The following UNC79 variants were observed in gnomAD, a reference collection of about 807,000 sequenced individuals.
UNC79 encodes the protein protein unc-79 homolog.
UNC79 carries 37 observed loss-of-function variants against 283.1 expected under a neutral mutation model. The observed-to-expected ratio is 0.13, with a 90% confidence interval of 0.10 to 0.17. UNC79 has a LOEUF of 0.17. Ranked by LOEUF, UNC79 falls within the 10% of genes least tolerant of loss-of-function variation. The pLI, the probability that UNC79 is intolerant of heterozygous loss-of-function variation, is 1.00. For synonymous variants in UNC79, 1,107 were observed against 1,200.2 expected, an observed-to-expected ratio of 0.92 and a Z score of 1.61; for missense variants, 2,272 against 3,211.1, an observed-to-expected ratio of 0.71 and a Z score of 7.07.
At chr14:93,542,725 G>T in intron 14 of UNC79, 29 bp downstream of exon 14, 3 of 1,611,048 alleles carry the variant, frequency 1.9e-6, no homozygotes, top group Non-Finnish European at 2.5e-6. Context: ...CTCACACCTT[G>T]TTAGAGAGGA....
chr14:93,545,736 G>A (rs1311123868), intron 14 of UNC79, among the ~76,000 whole-genome samples: 1 of 152,158 alleles, frequency 6.6e-6, no homozygotes, highest in Non-Finnish European at 1.5e-5. Context: ...TGCCTGATGG[G>A]TTCTTCCTGC....
chr14:93,337,655 T>C (rs2053607630), intron 1 of UNC79, among the ~76,000 whole-genome samples: 1 of 152,090 alleles, frequency 6.6e-6, no homozygotes, highest in Non-Finnish European at 1.5e-5. Flanking sequence ...TGAAAGAGCT[T>C]TAACACAAAT....
chr14:93,566,312 G>A (rs559746099), intron 14 of UNC79, among the ~76,000 whole-genome samples: 136 of 152,296 alleles, frequency 8.9e-4, no homozygotes, highest in Non-Finnish European at 1.5e-3. Context: ...TTATTTCAGG[G>A]CTTGTGCTCA....
chr14:93,655,372 T>C (rs2070801932), exon 38 of UNC79: 1 of 1,613,960 alleles, frequency 6.2e-7, no homozygotes, highest in Admixed American at 1.7e-5. Context: ...GTTTCAGACA[T>C]TTTTTGCCAA....
At chr14:93,524,750 G>T (rs1467055832) in intron 8 of UNC79, among the ~76,000 whole-genome samples, 1 of 152,136 alleles carries the variant, frequency 6.6e-6, no homozygotes, top group South Asian at 2.1e-4. Context: ...ATATTTATTG[G>T]ATATAAAATA....
chr14:93,496,492 A>G (rs758216293), intron 6 of UNC79, 26 bp downstream of exon 6: 1 of 1,484,876 alleles, frequency 6.7e-7, no homozygotes, highest in Non-Finnish European at 9.0e-7. Context: ...AATTTAACCC[A>G]TAGTCACAAA....
intron 1 of UNC79, among the ~76,000 whole-genome samples, chr14:93,455,941 T>G (rs2056784744): frequency 6.6e-6 from 1 of 151,660 alleles, no homozygotes; most frequent in East Asian, 1.9e-4. Flanking sequence ...TGTGTGTGTG[T>G]GTGTATGTGT....
At chr14:93,403,460 C>T (rs1307129712) in intron 1 of UNC79, among the ~76,000 whole-genome samples, 1 of 152,158 alleles carries the variant, frequency 6.6e-6, no homozygotes, top group Admixed American at 6.5e-5. Context: ...GGCAGGTTTG[C>T]CTGATGCAGT....
Position 93,430,822 on chromosome 14 carries a change from G to T in UNC79, c.-208G>T. On this transcript the variant is annotated 5_prime_UTR_variant, in exon 1 of 49. Transcript: ENST00000555664. This position sits in a 1 kb window ranked among gnomAD's most constrained non-coding sequence, Gnocchi z 4.6. ...CCTATTAAATCCCACCCATTTCTCCGGGGGCGATTTCCTAACCTTCCGGGA... is the reference window on the plus strand; with the variant it reads ...CCTATTAAATCCCACCCATTTCTCCTGGGGCGATTTCCTAACCTTCCGGGA... The T allele has an allele frequency of 2.0e-6, 1 of 497,898 alleles. No homozygotes were observed. The highest frequency in any genetic ancestry group is 3.1e-5 in the Admixed American group (1 of 32,740). The allele number at this position is 497,898 out of a possible 1,614,324, so 30.8% of individuals were successfully genotyped here.
In UNC79 at chr14:93,694,423, C is replaced by A. The variant is rs777695083; in HGVS notation, c.7548+11C>A. 6 of 1,604,408 alleles carry A rather than the reference C, an allele frequency of 3.7e-6. No homozygotes were observed. The highest frequency in any genetic ancestry group is 5.1e-6 in the Non-Finnish European group (6 of 1,172,370). On this transcript the variant is annotated intron_variant, in intron 47 of 48. Transcript: ENST00000555664. Reference sequence around the variant, plus strand: ...ACCATTTTTGTCAAGGTAGGAAAACCTTATGATTTTTAAAGACCATTTCTT... The same window carrying A: ...ACCATTTTTGTCAAGGTAGGAAAACATTATGATTTTTAAAGACCATTTCTT...
intron 1 of UNC79, among the ~76,000 whole-genome samples, chr14:93,432,348 T>G (rs1394669310): frequency 1.3e-5 from 2 of 152,192 alleles, no homozygotes; most frequent in Non-Finnish European, 2.9e-5. Context: ...TGAGTTTCAA[T>G]CTTAGTTTTG....
chr14:93,470,858 A>G (rs1334718622), intron 2 of UNC79, among the ~76,000 whole-genome samples: 2 of 152,148 alleles, frequency 1.3e-5, no homozygotes, highest in African/African-American at 2.4e-5. Flanking sequence ...TTCTTTTTAT[A>G]TTGGAAACAT....
intron 26 of UNC79, 106 bp from the exon 28 acceptor site, chr14:93,612,691 T>A (rs2066396071): frequency 1.4e-6 from 2 of 1,464,346 alleles, no homozygotes; most frequent in Admixed American, 4.3e-5. Context: ...AGCAGAAAAT[T>A]TTGTAGACGC....
chr14:93,516,943 A>G (rs1424292998), intron 7 of UNC79, among the ~76,000 whole-genome samples: 1 of 152,084 alleles, frequency 6.6e-6, no homozygotes, highest in Non-Finnish European at 1.5e-5. Flanking sequence ...AGGTGCTCCT[A>G]AATATTTTAT....
intron 43 of UNC79, among the ~76,000 whole-genome samples, chr14:93,687,206 C>A (rs2074311441): frequency 6.6e-6 from 1 of 152,210 alleles, no homozygotes; most frequent in African/African-American, 2.4e-5. Context: ...ATTATGCAAA[C>A]ATACACCATG....
intron 4 of UNC79, among the ~76,000 whole-genome samples, chr14:93,481,273 A>G (rs1281686486): frequency 6.6e-6 from 1 of 152,174 alleles, no homozygotes; most frequent in Non-Finnish European, 1.5e-5. Context: ...GTTTATAAAA[A>G]ATATATTAAA....
At chr14:93,525,342 G>C (rs147780680) in intron 8 of UNC79, among the ~76,000 whole-genome samples, 2,074 of 152,182 alleles carry the variant, frequency 0.014, 53 homozygotes, top group African/African-American at 0.047. Context: ...CCAGCTACTC[G>C]GGAGGCTGAG....
At chr14:93,360,650 G>A (rs922272609) in intron 1 of UNC79, among the ~76,000 whole-genome samples, 1 of 152,114 alleles carries the variant, frequency 6.6e-6, no homozygotes, top group South Asian at 2.1e-4. Context: ...AATCTTATTC[G>A]GAGAGAACTT....
intron 42 of UNC79, among the ~76,000 whole-genome samples, chr14:93,684,493 C>T (rs1229153486): frequency 6.6e-6 from 1 of 151,878 alleles, no homozygotes; most frequent in African/African-American, 2.4e-5. Context: ...CTATTATGTA[C>T]CTACCAAATC....
Sources: gnomAD v4.1 joint callset for allele counts (sites outside exome capture counted in the v4.1 genomes callset) on GRCh38, gnomAD v4.1.1 for gene constraint, Gnocchi (gnomAD v3.1) non-coding constraint, MANE v1.5 for transcripts, NCBI Gene and HGNC (gene_info 2026-07-23, HGNC 2026-07-21) for gene names.